Variants in TSHR observed in about 807,000 individuals in gnomAD.
The protein encoded by TSHR is thyrotropin receptor.
A neutral mutation model predicts 64.1 loss-of-function variants in TSHR; 51 were observed. The ratio of observed to expected loss-of-function variants is 0.80; its 90% confidence interval spans 0.64 to 1.01. The LOEUF (loss-of-function observed/expected upper bound fraction) is 1.01, where lower values mean the gene tolerates loss of function less well. Among genes scored for constraint, TSHR ranks in the 50% least tolerant of loss-of-function variants. The pLI is 0.00. For synonymous variants in TSHR, 361 were observed against 361.9 expected, an observed-to-expected ratio of 1.00 and a Z score of 0.03; for missense variants, 877 against 942.8, an observed-to-expected ratio of 0.93 and a Z score of 0.91.
At chr14:81,074,021 T>G (rs1240335241) in intron 3 of TSHR, among the ~76,000 whole-genome samples, 1 of 152,180 alleles carries the variant, frequency 6.6e-6, no homozygotes, top group Non-Finnish European at 1.5e-5. Context: ...TTGTTTGTAT[T>G]ATGATCTTTT....
In TSHR at chr14:81,109,095, C is replaced by T. The variant is rs1021527830; in HGVS notation, c.692+643C>T. On this transcript the variant is annotated intron_variant, in intron 8 of 9. Coordinates refer to ENST00000298171, the MANE Select transcript of TSHR (RefSeq NM_000369.5). ...CTCAGTTTAGAATCTCATCATTGAGCATCCACTCTAGTCCTTGCCAAAGTG... is the reference window on the plus strand; with the variant it reads ...CTCAGTTTAGAATCTCATCATTGAGTATCCACTCTAGTCCTTGCCAAAGTG... The T allele has an allele frequency of 7.7e-6, 6 of 778,418 alleles. No individual in the cohort carries two copies. The African/African-American group carries it at 1.1e-4, about 14-fold the overall frequency. 48.2% of individuals were successfully genotyped at this position (778,418 alleles called of 1,614,324 possible).
At chr14:80,983,581 GTTATAATACACT>G in intron 1 of TSHR, 1 of 1,107,138 alleles carries the variant, frequency 9.0e-7, no homozygotes, top group Non-Finnish European at 1.3e-6. Flanking sequence ...GATCACTTGA[GTTATAATACACT>G]CATGGGCATT....
chr14:81,144,511 G>C lies in TSHR; in HGVS notation c.*158G>C. The C allele has an allele frequency of 1.3e-6, 1 of 777,472 alleles. No individual in the cohort carries two copies. The highest frequency in any genetic ancestry group is 2.1e-6 in the Non-Finnish European group (1 of 474,324). The allele number at this position is 777,472 out of a possible 1,614,324, so 48.2% of individuals were successfully genotyped here. A position where few individuals can be genotyped will look rare whatever the true frequency, so the allele number is the denominator to read the frequency against. On this transcript the variant is annotated 3_prime_UTR_variant, in exon 10 of 10. Coordinates refer to ENST00000298171, the MANE Select transcript of TSHR (RefSeq NM_000369.5). The stretch of plus-strand genomic sequence containing the variant: ...TGGGGCAAGAGTTTATCTCTGGAGA[G>C]TGATTAGTATTAACCTAATCATTGC...
rs1889736226 is a variant in TSHR at position 81,103,915 on chromosome 14, CCCA to C, written c.615-4456_615-4454del. 21 of 985,350 alleles carry C rather than the reference CCCA, an allele frequency of 2.1e-5. No homozygotes were observed. The highest frequency in any genetic ancestry group is 2.5e-5 in the Non-Finnish European group (21 of 829,900). 61.0% of individuals were successfully genotyped at this position (985,350 alleles called of 1,614,324 possible). On this transcript the variant is annotated intron_variant, in intron 7 of 9. Transcript: ENST00000298171. The surrounding 1 kb of genome is among the most constrained non-coding windows in gnomAD (Gnocchi z 4.1). ...AAATACCATTTTGATATGCTAAGAG[CCCA>C]CCAATACACTAATTATTATGAACAG...
intron 1 of TSHR, among the ~76,000 whole-genome samples, chr14:81,061,568 T>G (rs1886244575): frequency 2.0e-5 from 3 of 152,196 alleles, no homozygotes; most frequent in Admixed American, 2.0e-4. Context: ...CCACATGTTC[T>G]CACTTATAAG....
At chr14:81,020,683 G>A (rs981440719) in intron 1 of TSHR, among the ~76,000 whole-genome samples, 2 of 152,212 alleles carry the variant, frequency 1.3e-5, no homozygotes, top group African/African-American at 4.8e-5. Flanking sequence ...CTAAAAGTGA[G>A]TGACATGTGA....
intron 3 of TSHR, among the ~76,000 whole-genome samples, chr14:81,079,954 TTTG>T (rs1887781302): frequency 6.6e-6 from 1 of 151,670 alleles, no homozygotes; most frequent in Non-Finnish European, 1.5e-5. Flanking sequence ...TGTTTGTTTG[TTTG>T]TTTGTTTGTT....
At chr14:80,957,370 C>T (rs1886749967) in intron 1 of TSHR, among the ~76,000 whole-genome samples, 1 of 151,972 alleles carries the variant, frequency 6.6e-6, no homozygotes, top group African/African-American at 2.4e-5. Flanking sequence ...TATTTGCATG[C>T]CCACTCAAGC....
intron 2 of TSHR, 98 bp from the exon 3 acceptor site, chr14:81,068,156 T>C (rs1214230807): frequency 5.4e-6 from 6 of 1,111,610 alleles, no homozygotes; most frequent in African/African-American, 1.5e-5. Flanking sequence ...TTGCATGATC[T>C]GGGAAGCGCA....
chr14:80,972,167 C>G (rs1279260152), intron 1 of TSHR, among the ~76,000 whole-genome samples: 2 of 152,110 alleles, frequency 1.3e-5, no homozygotes, highest in Non-Finnish European at 2.9e-5. Flanking sequence ...TGATTGTTAT[C>G]TATTGTGAGT....
At chr14:81,075,027 G>T (rs2139930812) in intron 3 of TSHR, among the ~76,000 whole-genome samples, 1 of 152,270 alleles carries the variant, frequency 6.6e-6, no homozygotes, top group South Asian at 2.1e-4. Context: ...TGTAAATTTG[G>T]CCTAAAGGCC....
chr14:81,113,826 T>C (rs758628213), intron 8 of TSHR, among the ~76,000 whole-genome samples: 1 of 152,186 alleles, frequency 6.6e-6, no homozygotes, highest in Admixed American at 6.5e-5. Flanking sequence ...AATGAGAATA[T>C]AGGTGACACT....
chr14:81,019,471 T>G (rs2139795714), intron 1 of TSHR, among the ~76,000 whole-genome samples: 1 of 151,430 alleles, frequency 6.6e-6, no homozygotes, highest in African/African-American at 2.4e-5. Context: ...TTTTTTTTTT[T>G]TTTTTGTATT....
intron 8 of TSHR, among the ~76,000 whole-genome samples, chr14:81,125,581 G>A (rs1890987447): frequency 6.6e-6 from 1 of 152,092 alleles, no homozygotes; most frequent in Non-Finnish European, 1.5e-5. Context: ...TCTGAGGGGA[G>A]GGAAATTGAG....
intron 1 of TSHR, chr14:81,033,027 T>C: frequency 2.8e-6 from 1 of 359,744 alleles, no homozygotes. Context: ...AGTCCTTTGG[T>C]GTTCCCAATT....
intron 1 of TSHR, chr14:81,001,377 G>T: frequency 2.8e-6 from 1 of 359,304 alleles, no homozygotes; most frequent in South Asian, 2.3e-5. Flanking sequence ...GTGGCAGGGA[G>T]AGTACATGCA....
intron 1 of TSHR, among the ~76,000 whole-genome samples, chr14:80,969,626 C>A (rs1490346721): frequency 6.6e-6 from 1 of 152,168 alleles, no homozygotes; most frequent in Non-Finnish European, 1.5e-5. Context: ...GGAGCCCAAG[C>A]CATTGGGTCC....
chr14:81,062,577 C>T (rs1261892505), intron 2 of TSHR, among the ~76,000 whole-genome samples: 1 of 152,100 alleles, frequency 6.6e-6, no homozygotes, highest in Admixed American at 6.6e-5. Flanking sequence ...GACAAACATC[C>T]ATCTGTCCTA....
chr14:81,118,871 C>A (rs1476153610), intron 8 of TSHR, among the ~76,000 whole-genome samples: 4 of 149,668 alleles, frequency 2.7e-5, no homozygotes, highest in African/African-American at 5.0e-5. Context: ...AGAAATAATG[C>A]CGCATGTCTA....
Sources: allele counts gnomAD v4.1 joint callset (sites outside exome capture counted in the v4.1 genomes callset), GRCh38; gene constraint gnomAD v4.1.1; non-coding constraint Gnocchi (gnomAD v3.1); transcripts MANE v1.5; gene names NCBI Gene and HGNC (gene_info 2026-07-23, HGNC 2026-07-21).